WDR41: variants seen among roughly 807,000 people sequenced by gnomAD.
WDR41 encodes the protein WD repeat-containing protein 41.
Under a neutral mutation model 69.3 loss-of-function variants are expected in WDR41, and 63 were observed. That is an observed-to-expected ratio of 0.91 (90% CI 0.74 to 1.12). The LOEUF is 1.12. Ranked by LOEUF, WDR41 falls within the 50% of genes most tolerant of loss-of-function variation. The pLI, the probability that WDR41 is intolerant of heterozygous loss-of-function variation, is 0.00. For missense variants in WDR41, 543 were observed against 534.5 expected (o/e 1.02, Z -0.16); for synonymous variants, 185 against 192.1 (o/e 0.96, Z 0.31).
intron 8 of WDR41, among the ~76,000 whole-genome samples, chr5:77,443,469 AG>A (rs1799254057): frequency 6.6e-6 from 1 of 152,234 alleles, no homozygotes; most frequent in South Asian, 2.1e-4. Context: ...CATAATAGGT[AG>A]ATTATTAATA....
chr5:77,567,639 A>G (rs538352471), intron 1 of WDR41, among the ~76,000 whole-genome samples: 1 of 150,972 alleles, frequency 6.6e-6, no homozygotes, highest in African/African-American at 2.4e-5. Context: ...AGTAAACACA[A>G]TACAATTACC....
At chr5:77,523,797 G>A (rs892452636) in intron 1 of WDR41, among the ~76,000 whole-genome samples, 2 of 152,058 alleles carry the variant, frequency 1.3e-5, no homozygotes, top group Admixed American at 1.3e-4. Flanking sequence ...AGACAATTTT[G>A]AACTTTGAAT....
chr5:77,462,989 A>G (rs1026628730), intron 4 of WDR41, 106 bp downstream of exon 4: 1 of 1,263,478 alleles, frequency 7.9e-7, no homozygotes, highest in Non-Finnish European at 1.1e-6. Context: ...CATTTTTGCT[A>G]TAACAAGAAT....
At chr5:77,436,630 T>G (rs960865449) in intron 11 of WDR41, among the ~76,000 whole-genome samples, 9 of 152,112 alleles carry the variant, frequency 5.9e-5, no homozygotes, top group African/African-American at 2.2e-4. Flanking sequence ...TGCAGGTATA[T>G]TAACAAAAAG....
At chr5:77,479,326 A>C (rs958833064) in intron 2 of WDR41, among the ~76,000 whole-genome samples, 5 of 152,186 alleles carry the variant, frequency 3.3e-5, no homozygotes, top group East Asian at 1.9e-4. Context: ...AAACTACTTT[A>C]AAGTTCATAT....
At chr5:77,551,781 C>T (rs894780526) in intron 1 of WDR41, among the ~76,000 whole-genome samples, 10 of 151,330 alleles carry the variant, frequency 6.6e-5, no homozygotes, top group Non-Finnish European at 1.3e-4. Flanking sequence ...AGTTTGAGAC[C>T]AGCCTGGCCA....
intron 1 of WDR41, among the ~76,000 whole-genome samples, chr5:77,597,692 T>C (rs1228133801): frequency 6.6e-6 from 1 of 152,234 alleles, no homozygotes; most frequent in Admixed American, 6.5e-5. Context: ...CCAAGGGTGG[T>C]ACCTGACTCA....
intron 1 of WDR41, among the ~76,000 whole-genome samples, chr5:77,543,383 C>CA (rs1468067685): frequency 2.0e-5 from 3 of 151,076 alleles, no homozygotes; most frequent in African/African-American, 7.4e-5. Context: ...AAGGCAAAGC[C>CA]CAATGTAAGG....
chr5:77,521,163 C>A (rs1383756212), intron 1 of WDR41, among the ~76,000 whole-genome samples: 1 of 149,896 alleles, frequency 6.7e-6, no homozygotes, highest in African/African-American at 2.4e-5. Flanking sequence ...TTTTTCCATG[C>A]TGGGGGTGGG....
intron 1 of WDR41, among the ~76,000 whole-genome samples, chr5:77,540,030 T>C (rs951151198): frequency 6.6e-6 from 1 of 152,084 alleles, no homozygotes; most frequent in African/African-American, 2.4e-5. Context: ...AAGTAAAACA[T>C]AAGCAATCTT....
At chr5:77,569,849 A>G in intron 1 of WDR41, among the ~76,000 whole-genome samples, 1 of 152,198 alleles carries the variant, frequency 6.6e-6, no homozygotes, top group Non-Finnish European at 1.5e-5. Context: ...TTTGTTATCA[A>G]AGGAAACCTC....
intron 1 of WDR41, among the ~76,000 whole-genome samples, chr5:77,610,819 T>A (rs1744531438): frequency 6.6e-6 from 1 of 151,666 alleles, no homozygotes; most frequent in South Asian, 2.1e-4. Flanking sequence ...TAACTTTAAA[T>A]GTAAATGGAC....
At position 77,559,017 on chromosome 5, in the gene WDR41, G is replaced by A. The variant is rs142082481; in HGVS notation, c.42+61462C>T. ...TATACATTTCACTTCTTGTAAAAGGGTCTATGAAAGCTGTTATTACTCTTT... is the reference window on the plus strand; with the variant it reads ...TATACATTTCACTTCTTGTAAAAGGATCTATGAAAGCTGTTATTACTCTTT... On this transcript the variant is annotated intron_variant, in intron 1 of 5. Coordinates refer to the WDR41 transcript ENST00000509971. 4.6e-5 allele frequency among the ~76,000 whole-genome samples: 7 copies of A among 152,244 alleles called. No individual in the cohort carries two copies. The South Asian group carries it at 1.5e-3, about 32-fold the overall frequency.
At chr5:77,476,548 C>A (rs969608558) in intron 2 of WDR41, among the ~76,000 whole-genome samples, 28 of 151,384 alleles carry the variant, frequency 1.8e-4, no homozygotes, top group South Asian at 4.2e-4. Flanking sequence ...AATTTTCAAC[C>A]CAGAATTTCA....
chr5:77,433,401 G>T (rs1798804351), intron 12 of WDR41, 114 bp from the exon 13 acceptor site: 2 of 783,214 alleles, frequency 2.6e-6, no homozygotes, highest in Non-Finnish European at 3.7e-6. Context: ...TTTGGATCTG[G>T]GTGTAGAACT....
At chr5:77,539,454 G>C (rs1448923268) in intron 1 of WDR41, among the ~76,000 whole-genome samples, 1 of 152,140 alleles carries the variant, frequency 6.6e-6, no homozygotes, top group Non-Finnish European at 1.5e-5. Flanking sequence ...CTGGGGTGGA[G>C]TGGGGCTGAT....
intron 1 of WDR41, among the ~76,000 whole-genome samples, chr5:77,618,228 A>C (rs1744713084): frequency 6.6e-6 from 1 of 152,198 alleles, no homozygotes; most frequent in African/African-American, 2.4e-5. Flanking sequence ...TGAGATTCCT[A>C]CGCCCCATTC....
rs1800945518 is a variant in WDR41 at position 77,476,623 on chromosome 5, TGA to T, written c.168-11816_168-11815del. On this transcript the variant is annotated intron_variant, in intron 2 of 12. Coordinates refer to ENST00000296679, the MANE Select transcript of WDR41 (RefSeq NM_018268.4). ...AAATACTTTACAGACAAGCAAATGC[TGA>T]GAGATTCTGTCACCACCAGGCCTGC... is the stretch of plus-strand genomic sequence containing the variant. 4.0e-5 allele frequency among the ~76,000 whole-genome samples: 6 copies of T among 151,850 alleles called. No homozygotes were observed. In the South Asian group the frequency reaches 1.3e-3, roughly 32 times the overall value.
intron 8 of WDR41, among the ~76,000 whole-genome samples, chr5:77,441,224 A>G (rs1226793254): frequency 2.0e-5 from 3 of 152,122 alleles, no homozygotes; most frequent in Admixed American, 1.3e-4. Context: ...CATTTCAGTA[A>G]AGAAATACCT....
Sources: gnomAD v4.1 joint callset for allele counts (sites outside exome capture counted in the v4.1 genomes callset) on GRCh38, gnomAD v4.1.1 for gene constraint, MANE v1.5 for transcripts, NCBI Gene and HGNC (gene_info 2026-07-23, HGNC 2026-07-21) for gene names.